ERO1B: variants seen among roughly 807,000 people sequenced by gnomAD.
ERO1B encodes endoplasmic reticulum oxidoreductase 1 beta.
In ERO1B, 49 loss-of-function variants were observed where a neutral mutation model predicts 75.3. That is an observed-to-expected ratio of 0.65 (90% CI 0.52 to 0.83). The LOEUF (loss-of-function observed/expected upper bound fraction) is 0.83. Ranked by LOEUF, ERO1B falls within the 40% of genes least tolerant of loss-of-function variation. ERO1B has a pLI of 0.00. For synonymous variants in ERO1B, 191 were observed against 192.9 expected, an observed-to-expected ratio of 0.99 and a Z score of 0.08; for missense variants, 512 against 560.1, an observed-to-expected ratio of 0.91 and a Z score of 0.87.
chr1:236,250,637 CAT>C (rs199794022), intron 4 of ERO1B, among the ~76,000 whole-genome samples: 46 of 115,972 alleles, frequency 4.0e-4, no homozygotes, highest in Admixed American at 1.9e-3. Flanking sequence ...TGTGTGCAAA[CAT>C]ATATATATAT....
intron 2 of ERO1B, among the ~76,000 whole-genome samples, chr1:236,255,348 G>A (rs1665137397): frequency 6.6e-6 from 1 of 152,100 alleles, no homozygotes; most frequent in African/African-American, 2.4e-5. Flanking sequence ...CCTAAGCAGA[G>A]AGACCATTCC....
chr1:236,227,875 G>A (rs531156127), intron 10 of ERO1B, among the ~76,000 whole-genome samples: 2 of 152,192 alleles, frequency 1.3e-5, no homozygotes, highest in South Asian at 2.1e-4. Flanking sequence ...TGTCATGGAT[G>A]GGGACCAAAA....
chr1:236,242,058 ACT>A (rs1449784810), intron 6 of ERO1B, among the ~76,000 whole-genome samples: 1 of 118,840 alleles, frequency 8.4e-6, no homozygotes, highest in African/African-American at 2.7e-5. Flanking sequence ...ACACAGCGAG[ACT>A]CTGTCTCAAA....
intron 1 of ERO1B, among the ~76,000 whole-genome samples, chr1:236,273,511 G>A (rs962575117): frequency 1.3e-5 from 2 of 152,186 alleles, no homozygotes; most frequent in African/African-American, 4.8e-5. Context: ...ATATTCTGGT[G>A]TAAAAACACA....
intron 5 of ERO1B, among the ~76,000 whole-genome samples, chr1:236,247,172 A>G (rs145668310): frequency 1.3e-5 from 2 of 152,202 alleles, no homozygotes; most frequent in African/African-American, 4.8e-5. Context: ...GCTAAACACC[A>G]TCTATTCATT....
intron 1 of ERO1B, among the ~76,000 whole-genome samples, 184 bp from the exon 2 acceptor site, chr1:236,270,178 T>C (rs528908591): frequency 3.9e-5 from 6 of 152,210 alleles, no homozygotes; most frequent in Non-Finnish European, 8.8e-5. Flanking sequence ...ATAGAAAGAT[T>C]AGCTATACCC....
chr1:236,230,760 A>G (rs773837299), intron 9 of ERO1B, among the ~76,000 whole-genome samples: 21 of 152,094 alleles, frequency 1.4e-4, no homozygotes, highest in Non-Finnish European at 2.2e-4. Flanking sequence ...GAGTGTTTTT[A>G]CAAATATTTT....
chr1:236,228,690 T>C (rs915040235), intron 10 of ERO1B, among the ~76,000 whole-genome samples: 9 of 152,342 alleles, frequency 5.9e-5, no homozygotes, highest in Admixed American at 2.6e-4. Flanking sequence ...TGGACGTGGA[T>C]TTGTGGTTTC....
Position 236,253,484 on chromosome 1 carries a change from G to A in ERO1B, c.244C>T (p.Pro82Ser). The A allele has an allele frequency of 1.2e-6, 2 of 1,609,660 alleles. No individual in the cohort carries two copies. Among genetic ancestry groups the A allele is most frequent in the Non-Finnish European group, 1.7e-6 (2 of 1,177,280 alleles). Residue 82 changes from proline to serine, a missense_variant, in exon 3 of 16, where the codon CCT becomes TCT. By Grantham distance (74) the Pro-to-Ser change is moderately conservative. Transcript: ENST00000354619. ...YYKVNLKRPC[P>S]FWAEDGHCSI... ...CAGTGGCCATCTTCTGCCCAGAAAGGACAAGGTCGCTTCAGATTAACCTTG... is the reference window on the plus strand; with the variant it reads ...CAGTGGCCATCTTCTGCCCAGAAAGAACAAGGTCGCTTCAGATTAACCTTG...
At chr1:236,240,757 T>C (rs1425172117) in intron 6 of ERO1B, among the ~76,000 whole-genome samples, 7 of 152,238 alleles carry the variant, frequency 4.6e-5, no homozygotes, top group Admixed American at 3.3e-4. Flanking sequence ...TGCCCTCAAA[T>C]AGCTCACAAT....
intron 6 of ERO1B, among the ~76,000 whole-genome samples, chr1:236,240,323 A>G (rs1054231993): frequency 6.6e-6 from 1 of 152,174 alleles, no homozygotes; most frequent in East Asian, 1.9e-4. Flanking sequence ...CCTAACTCAT[A>G]TATCTCTTAA....
chr1:236,269,001 G>A (rs1665529884), intron 2 of ERO1B, among the ~76,000 whole-genome samples: 1 of 152,216 alleles, frequency 6.6e-6, no homozygotes, highest in Admixed American at 6.5e-5. Flanking sequence ...TTGGGAGGCT[G>A]AGGCAGGTGG....
chr1:236,247,715 T>A (rs931415210), intron 5 of ERO1B, among the ~76,000 whole-genome samples: 1 of 152,116 alleles, frequency 6.6e-6, no homozygotes, highest in Non-Finnish European at 1.5e-5. Context: ...TCCTGCCCCA[T>A]CCCTAGCATC....
Position 236,220,855 on chromosome 1 carries a change from A to G in ERO1B, c.1320T>C (p.Val440=). Residue 440 remains valine, a synonymous_variant, in exon 15 of 16, where the codon GTT becomes GTC. Coordinates refer to ENST00000354619, the MANE Select transcript of ERO1B (RefSeq NM_019891.4). The part of the protein sequence containing the change: ...KGFQLTRQEI[V]ALLNAFGRLS... ...ACCTTCCAAAAGCATTTAAAAGAGC[A>G]ACTATTTCCTGTCGGGTGAGTTGGA... The G allele has an allele frequency of 6.3e-7, 1 of 1,583,394 alleles. No homozygotes were observed. Among genetic ancestry groups the G allele is most frequent in the South Asian group, 1.2e-5 (1 of 83,402 alleles).
rs113805425 is a variant in ERO1B at position 236,251,033 on chromosome 1, T to C, written c.348+1017A>G. ...TGGGAACAACTGAAATGTCCATCAA[T>C]AGAGGAATGGCTAATATGTGTTATA... On this transcript the variant is annotated intron_variant, in intron 4 of 15. Transcript: ENST00000354619. Among the ~76,000 whole-genome samples the C allele has an allele frequency of 6.6e-5, 10 of 152,086 alleles. 2 individuals are homozygous for C. Among genetic ancestry groups the C allele is most frequent in the African/African-American group, 2.4e-4 (10 of 41,500 alleles).
rs1360897269 is a variant in ERO1B at position 236,218,167 on chromosome 1, T to C, written c.*349A>G. 3 of 154,500 alleles carry C rather than the reference T, an allele frequency of 1.9e-5. No individual in the cohort carries two copies. Among genetic ancestry groups the C allele is most frequent in the African/African-American group, 7.2e-5 (3 of 41,474 alleles). 9.6% of individuals were successfully genotyped at this position (154,500 alleles called of 1,614,324 possible). On this transcript the variant is annotated 3_prime_UTR_variant, in exon 16 of 16. Coordinates refer to ENST00000354619, the MANE Select transcript of ERO1B (RefSeq NM_019891.4). ...TTCCATAACAGACTGAACAGTGTTATTAGAATGCAGACATAGCCATTTAAA... is the reference window on the plus strand; with the variant it reads ...TTCCATAACAGACTGAACAGTGTTACTAGAATGCAGACATAGCCATTTAAA...
intron 1 of ERO1B, among the ~76,000 whole-genome samples, chr1:236,273,734 G>C (rs1665647892): frequency 6.6e-6 from 1 of 150,404 alleles, no homozygotes; most frequent in Non-Finnish European, 1.5e-5. Flanking sequence ...TGAACTCAGG[G>C]GGTCGAGGTT....
In ERO1B at chr1:236,226,287, T is replaced by C. The variant is rs749533102; in HGVS notation, c.1034A>G (p.Asn345Ser). 11 of 1,613,680 alleles carry C rather than the reference T, an allele frequency of 6.8e-6. No homozygotes were observed. Among genetic ancestry groups the C allele is most frequent in the South Asian group, 3.3e-5 (3 of 90,992 alleles). ...EDADTKTLLL[N>S]IFQDTKSFPM... ...TTCTTACTTTGTATCTTGAAAGATA[T>C]TCAGTAGAAGAGTTTTTGTGTCAGC... Residue 345 changes from asparagine (N) to serine (S), a missense_variant, in exon 12 of 16, where the codon AAT (asparagine) becomes AGT (serine). Asn to Ser is a conservative substitution (Grantham distance 46). Transcript: ENST00000354619.
intron 10 of ERO1B, among the ~76,000 whole-genome samples, chr1:236,227,423 T>C (rs534830950): frequency 6.6e-6 from 1 of 152,180 alleles, no homozygotes; most frequent in African/African-American, 2.4e-5. Flanking sequence ...TCCTAACCCC[T>C]GCCCCCATTT....
Sources: gnomAD v4.1 joint callset for allele counts (sites outside exome capture counted in the v4.1 genomes callset) on GRCh38, gnomAD v4.1.1 for gene constraint, MANE v1.5 for transcripts, NCBI Gene and HGNC (gene_info 2026-07-23, HGNC 2026-07-21) for gene names.